The following GLIS3 variants were observed in gnomAD, a reference collection of about 807,000 sequenced individuals.
GLIS3 encodes the protein zinc finger protein GLIS3.
A neutral mutation model predicts 78.6 loss-of-function variants in GLIS3; 53 were observed. The ratio of observed to expected loss-of-function variants is 0.67; its 90% confidence interval spans 0.54 to 0.85. The LOEUF (loss-of-function observed/expected upper bound fraction) is 0.85. Among genes scored for constraint, GLIS3 ranks in the 40% least tolerant of loss-of-function variants. The pLI is 0.00. For missense variants in GLIS3, 1,703 were observed against 1,231.1 expected, an observed-to-expected ratio of 1.38 and a Z score of -5.74; for synonymous variants, 684 against 509.9, an observed-to-expected ratio of 1.34 and a Z score of -4.60.
At chr9:4,203,593 A>G (rs1180601284) in intron 2 of GLIS3, among the ~76,000 whole-genome samples, 1 of 152,260 alleles carries the variant, frequency 6.6e-6, no homozygotes, top group Non-Finnish European at 1.5e-5. Flanking sequence ...CAATCCCATT[A>G]CTGGATCTGG....
At position 4,164,282 on chromosome 9, in the gene GLIS3, A is replaced by G. The variant is rs1369630070; in HGVS notation, c.389-38341T>C. Among the ~76,000 whole-genome samples the G allele has an allele frequency of 2.0e-5, 3 of 152,200 alleles. No individual in the cohort carries two copies. In the East Asian group the frequency reaches 5.8e-4, roughly 29 times the overall value. ...GAAAATTATACAAACAGCCCCAAAT[A>G]TTTGAAATCAGCATTGTCCTCCCAT... On this transcript the variant is annotated intron_variant, in intron 2 of 10. Transcript: ENST00000381971.
intron 2 of GLIS3, among the ~76,000 whole-genome samples, chr9:4,332,357 AC>A: frequency 6.6e-6 from 1 of 152,296 alleles, no homozygotes; most frequent in Non-Finnish European, 1.5e-5. Flanking sequence ...CCTCTCAGTG[AC>A]AGAAGCACCC....
At chr9:4,349,016 A>G (rs1563941443), upstream of GLIS3, among the ~76,000 whole-genome samples, 1 of 152,348 alleles carries the variant, frequency 6.6e-6, no homozygotes, top group Non-Finnish European at 1.5e-5. Flanking sequence ...AAGAAGCTGA[A>G]GGAGGAAAAC....
At position 4,118,078 on chromosome 9, in the gene GLIS3, T is replaced by G. The variant is rs765965108; in HGVS notation, c.1400A>C (p.His467Pro). 8.0e-5 allele frequency: 112 copies of G among 1,405,458 alleles called. No individual in the cohort carries two copies. The highest frequency in any genetic ancestry group is 9.6e-5 in the Non-Finnish European group (100 of 1,045,182). 87.1% of individuals were successfully genotyped at this position (1,405,458 alleles called of 1,614,324 possible). A position where few individuals can be genotyped will look rare whatever the true frequency, so the allele number is the denominator to read the frequency against. Residue 467 changes from histidine to proline, a missense_variant, in exon 4 of 11, where the codon CAC becomes CCC. By Grantham distance (77) the His-to-Pro change is moderately conservative. Coordinates refer to ENST00000381971, the MANE Select transcript of GLIS3 (RefSeq NM_001042413.2). This position sits in a 1 kb window ranked among gnomAD's most constrained non-coding sequence, Gnocchi z 4.7. ...GGGCCCGAGCTCCGGGTGGTGAAGG[T>G]GCGCATGGGCATGGTAAGGGGGTGG... Reference protein sequence around the residue: ...GPPPPYHAHAHLHHPELGPHA... With the variant: ...GPPPPYHAHAPLHHPELGPHA...
At chr9:4,487,329 T>C in the GLIS3 span, among the ~76,000 whole-genome samples, 2 of 152,224 alleles carry the variant, frequency 1.3e-5, no homozygotes, top group Non-Finnish European at 2.9e-5. Flanking sequence ...GTGGTGATAT[T>C]TGTTTTGTGC....
intron 2 of GLIS3, among the ~76,000 whole-genome samples, chr9:4,319,408 A>C (rs1019678689): frequency 1.3e-5 from 2 of 152,216 alleles, no homozygotes; most frequent in Non-Finnish European, 2.9e-5. Flanking sequence ...GGTACATGGA[A>C]GCTCATTATT....
chr9:4,460,827 G>A, the GLIS3 span, among the ~76,000 whole-genome samples: 4 of 152,116 alleles, frequency 2.6e-5, no homozygotes, highest in Non-Finnish European at 4.4e-5. Flanking sequence ...AATCTGGAGT[G>A]TTTTTAATAT....
At chr9:4,313,611 G>A (rs150845005) in intron 2 of GLIS3, among the ~76,000 whole-genome samples, 1,526 of 152,198 alleles carry the variant, frequency 0.01, 11 homozygotes, top group South Asian at 0.018. Context: ...TTTTCTCTCT[G>A]GCAGTATCCC....
chr9:4,248,202 T>C (rs1451796531), intron 2 of GLIS3, among the ~76,000 whole-genome samples: 1 of 151,920 alleles, frequency 6.6e-6, no homozygotes, highest in Non-Finnish European at 1.5e-5. Context: ...ACCTGTCATC[T>C]ACATTACTTA....
chr9:4,195,352 G>T (rs1372138203), intron 2 of GLIS3, among the ~76,000 whole-genome samples: 1 of 152,226 alleles, frequency 6.6e-6, no homozygotes, highest in Non-Finnish European at 1.5e-5. Context: ...GCCAGCGCGA[G>T]TTCTGGGTGG....
chr9:3,933,214 C>A (rs1218901896), intron 5 of GLIS3, among the ~76,000 whole-genome samples: 1 of 151,820 alleles, frequency 6.6e-6, no homozygotes. Context: ...TTGTTCTTGC[C>A]TCCCAGGCTG....
intron 2 of GLIS3, among the ~76,000 whole-genome samples, chr9:4,318,815 A>G (rs953970957): frequency 1.3e-5 from 2 of 152,208 alleles, no homozygotes; most frequent in South Asian, 2.1e-4. Flanking sequence ...GGTGAACAGG[A>G]TATTTTCAGA....
At chr9:3,908,709 T>TTTTG (rs1554644781) in intron 6 of GLIS3, among the ~76,000 whole-genome samples, 33 of 107,174 alleles carry the variant, frequency 3.1e-4, no homozygotes, top group Admixed American at 1.3e-3. Context: ...TGTATTTGTT[T>TTTTG]TTTTTTTTTT....
At chr9:4,462,089 C>A in the GLIS3 span, among the ~76,000 whole-genome samples, 1 of 152,082 alleles carries the variant, frequency 6.6e-6, no homozygotes, top group African/African-American at 2.4e-5. Flanking sequence ...CAATAATTCT[C>A]AGATTATTTT....
At chr9:4,474,545 A>G in the GLIS3 span, among the ~76,000 whole-genome samples, 9 of 152,222 alleles carry the variant, frequency 5.9e-5, no homozygotes, top group African/African-American at 2.2e-4. Flanking sequence ...ACACAAAATA[A>G]TGAATCCCAG....
intron 2 of GLIS3, among the ~76,000 whole-genome samples, chr9:4,221,173 A>G (rs997748605): frequency 6.6e-6 from 1 of 152,206 alleles, no homozygotes; most frequent in East Asian, 1.9e-4. Flanking sequence ...GTACATACAT[A>G]CATGCATAGG....
chr9:4,138,780 T>C (rs1248676799), intron 2 of GLIS3, among the ~76,000 whole-genome samples: 2 of 152,168 alleles, frequency 1.3e-5, no homozygotes, highest in Non-Finnish European at 2.9e-5. Flanking sequence ...AAGTCACGTA[T>C]GTAGACCACT....
intron 7 of GLIS3, among the ~76,000 whole-genome samples, chr9:3,890,261 G>A (rs1399807182): frequency 1.3e-5 from 2 of 152,036 alleles, no homozygotes; most frequent in Non-Finnish European, 2.9e-5. Context: ...TACTCTTCAT[G>A]GAAACAACAA....
chr9:4,081,527 C>T (rs947771328), intron 4 of GLIS3, among the ~76,000 whole-genome samples: 1 of 151,772 alleles, frequency 6.6e-6, no homozygotes, highest in African/African-American at 2.4e-5. Flanking sequence ...ACACTGTGGA[C>T]CCCCACGATA....
Sources: gnomAD v4.1 joint callset for allele counts (sites outside exome capture counted in the v4.1 genomes callset) on GRCh38, gnomAD v4.1.1 for gene constraint, Gnocchi (gnomAD v3.1) non-coding constraint, MANE v1.5 for transcripts, NCBI Gene and HGNC (gene_info 2026-07-23, HGNC 2026-07-21) for gene names.